CDKAL1: variants seen among roughly 807,000 people sequenced by gnomAD.
The protein encoded by CDKAL1 is CDKAL1 threonylcarbamoyladenosine tRNA methylthiotransferase, also known as threonylcarbamoyladenosine tRNA methylthiotransferase.
Under a neutral mutation model 68.2 loss-of-function variants are expected in CDKAL1, and 32 were observed. The ratio of observed to expected loss-of-function variants is 0.47; its 90% CI spans 0.35 to 0.63. CDKAL1 has a LOEUF of 0.63. CDKAL1 is among the 30% of genes least tolerant of loss of function. The pLI is 0.00. For missense variants in CDKAL1, 606 were observed against 696.7 expected (o/e 0.87, Z 1.47); for synonymous variants, 234 against 244.3 (o/e 0.96, Z 0.39).
chr6:21,197,939 TG>T, intron 13 of CDKAL1, 81 bp from the exon 14 acceptor site: 1 of 795,092 alleles, frequency 1.3e-6, no homozygotes, highest in Non-Finnish European at 2.0e-6. Context: ...CAGACCTACC[TG>T]GGCTAGCCTT....
chr6:21,054,933 T>C (rs1770748366), intron 11 of CDKAL1, among the ~76,000 whole-genome samples: 3 of 152,120 alleles, frequency 2.0e-5, no homozygotes, highest in Non-Finnish European at 4.4e-5. Flanking sequence ...TTTAAACATA[T>C]ATGCCTTTAA....
At chr6:21,058,355 C>G (rs985382204) in intron 11 of CDKAL1, among the ~76,000 whole-genome samples, 1 of 152,036 alleles carries the variant, frequency 6.6e-6, no homozygotes, top group Non-Finnish European at 1.5e-5. Context: ...TGCTGCTTTC[C>G]ATTTGCTTTG....
At chr6:21,094,860 T>C (rs1773240206) in intron 12 of CDKAL1, among the ~76,000 whole-genome samples, 1 of 152,238 alleles carries the variant, frequency 6.6e-6, no homozygotes, top group Non-Finnish European at 1.5e-5. Context: ...AAAGAATGTT[T>C]GGACTTTGAC....
At position 21,160,512 on chromosome 6, in the gene CDKAL1, G is replaced by T. The variant is rs190113035; in HGVS notation, c.1300-37509G>T. Among the ~76,000 whole-genome samples the T allele has an allele frequency of 2.3e-3, 338 of 150,070 alleles. 7 individuals are homozygous for T. The East Asian group carries it at 0.061, about 27-fold the overall frequency. On this transcript the variant is annotated intron_variant, in intron 13 of 15. Transcript: ENST00000274695. ...GGGGTTTCACCGTGTTGGTCAGGCT[G>T]GTCTCGAACTTCTGACTTCGTGATC...
intron 9 of CDKAL1, among the ~76,000 whole-genome samples, chr6:20,855,594 G>A (rs1297536169): frequency 1.3e-5 from 2 of 152,060 alleles, no homozygotes; most frequent in Non-Finnish European, 2.9e-5. Context: ...AGCCATTGGG[G>A]GCTGTAAAGG....
intron 9 of CDKAL1, among the ~76,000 whole-genome samples, chr6:20,874,075 G>GGA (rs1760362278): frequency 5.3e-5 from 8 of 152,138 alleles, no homozygotes; most frequent in Admixed American, 1.3e-4. Context: ...CTTGAAGGAC[G>GGA]TTGGGCCTGG....
At chr6:20,580,573 C>T (rs1193482838) in intron 4 of CDKAL1, among the ~76,000 whole-genome samples, 1 of 152,148 alleles carries the variant, frequency 6.6e-6, no homozygotes, top group African/African-American at 2.4e-5. Context: ...CTTCATGGAA[C>T]ACTTACTTTT....
chr6:20,901,205 G>A lies in CDKAL1; in HGVS notation c.743-54214G>A, dbSNP rs1055622548. Reference sequence around the variant, plus strand: ...TCGGTGATGTACATATATGAAGATAGTATTTCTGCGACTGTTGCCTCCATT... The same window carrying A: ...TCGGTGATGTACATATATGAAGATAATATTTCTGCGACTGTTGCCTCCATT... On this transcript the variant is annotated intron_variant, in intron 9 of 15. Transcript: ENST00000274695. Among the ~76,000 whole-genome samples, 8 of 152,118 alleles carry A rather than the reference G, an allele frequency of 5.3e-5. No homozygotes were observed. In the South Asian group the frequency reaches 1.2e-3, roughly 24 times the overall value.
At chr6:21,223,574 G>A (rs1262889884) in intron 15 of CDKAL1, among the ~76,000 whole-genome samples, 1 of 151,002 alleles carries the variant, frequency 6.6e-6, no homozygotes, top group Non-Finnish European at 1.5e-5. Flanking sequence ...TTGGAAGAAA[G>A]GCCTCTAAAC....
chr6:21,198,414 G>A lies in CDKAL1; in HGVS notation c.1383+310G>A, dbSNP rs528822905. On this transcript the variant is annotated intron_variant, in intron 14 of 15. Transcript: ENST00000274695. ...GAATTCCCACACCCTGGCAAAGCAGGGGGGAAAGTCCTGCTCAGACCACAG... is the reference window on the plus strand; with the variant it reads ...GAATTCCCACACCCTGGCAAAGCAGAGGGGAAAGTCCTGCTCAGACCACAG... 3.5e-4 allele frequency among the ~76,000 whole-genome samples: 53 copies of A among 152,254 alleles called. No individual in the cohort carries two copies. In the Middle Eastern group the frequency reaches 0.014, roughly 39 times the overall value.
intron 6 of CDKAL1, among the ~76,000 whole-genome samples, chr6:20,753,191 A>G (rs796389542): frequency 4.0e-4 from 61 of 152,276 alleles, no homozygotes; most frequent in African/African-American, 1.3e-3. Context: ...CTGCCCATCC[A>G]AAGACAATCA....
intron 11 of CDKAL1, among the ~76,000 whole-genome samples, chr6:21,020,571 G>A (rs1315747900): frequency 1.3e-5 from 2 of 151,874 alleles, no homozygotes; most frequent in Admixed American, 6.6e-5. Context: ...AGGTTCAAGC[G>A]ATTCTCCTGC....
At chr6:21,025,988 C>A (rs1403301399) in intron 11 of CDKAL1, among the ~76,000 whole-genome samples, 1 of 152,086 alleles carries the variant, frequency 6.6e-6, no homozygotes, top group Admixed American at 6.6e-5. Flanking sequence ...TCAGTCTGGT[C>A]CATATAATTT....
At chr6:20,726,280 C>T (rs908435438) in intron 5 of CDKAL1, among the ~76,000 whole-genome samples, 1 of 152,138 alleles carries the variant, frequency 6.6e-6, no homozygotes, top group African/African-American at 2.4e-5. Flanking sequence ...TGGAATCCAG[C>T]TATGACCTGT....
chr6:20,679,682 T>C (rs938986949), intron 5 of CDKAL1, among the ~76,000 whole-genome samples: 3 of 152,246 alleles, frequency 2.0e-5, no homozygotes, highest in Admixed American at 6.5e-5. Flanking sequence ...ATTCATACTT[T>C]TATTGAATTT....
intron 5 of CDKAL1, among the ~76,000 whole-genome samples, chr6:20,685,426 A>G (rs975678661): frequency 7.9e-5 from 12 of 152,284 alleles, no homozygotes; most frequent in Admixed American, 6.5e-4. Flanking sequence ...CTTAAAGTTG[A>G]GTAGTGTCAT....
chr6:20,855,442 C>CAAAAAAAA (rs145448785), intron 9 of CDKAL1, among the ~76,000 whole-genome samples: 1 of 64,598 alleles, frequency 1.5e-5, no homozygotes, highest in African/African-American at 6.8e-5. Flanking sequence ...GACTCCGTCT[C>CAAAAAAAA]AAAAAAAAAA....
At chr6:20,711,211 G>T (rs1460020724) in intron 5 of CDKAL1, among the ~76,000 whole-genome samples, 2 of 152,164 alleles carry the variant, frequency 1.3e-5, no homozygotes, top group Admixed American at 6.5e-5. Flanking sequence ...GAGTATTTCT[G>T]TTTTGAAATA....
intron 9 of CDKAL1, among the ~76,000 whole-genome samples, chr6:20,946,593 CTTTTTTTTTTTT>C (rs11361870): frequency 1.1e-5 from 1 of 91,234 alleles, no homozygotes; most frequent in Non-Finnish European, 2.2e-5. Flanking sequence ...CAATCCATAC[CTTTTTTTTTTTT>C]TTTTTTTTTG....
Sources: gnomAD v4.1 joint callset for allele counts (sites outside exome capture counted in the v4.1 genomes callset) on GRCh38, gnomAD v4.1.1 for gene constraint, MANE v1.5 for transcripts, NCBI Gene and HGNC (gene_info 2026-07-23, HGNC 2026-07-21) for gene names.